The following GRID1 variants were observed in gnomAD, a reference collection of about 807,000 sequenced individuals.
GRID1 encodes glutamate receptor ionotropic, delta-1.
A neutral mutation model predicts 98.0 loss-of-function variants in GRID1; 28 were observed. The observed-to-expected ratio is 0.29, with a 90% confidence interval of 0.21 to 0.39. The LOEUF (loss-of-function observed/expected upper bound fraction) is 0.39, where lower values mean the gene tolerates loss of function less well. Ranked by LOEUF, GRID1 falls within the 10% of genes least tolerant of loss-of-function variation. The pLI, the probability that GRID1 is intolerant of heterozygous loss-of-function variation, is 1.00. For missense variants in GRID1, 1,111 were observed against 1,340.5 expected, an observed-to-expected ratio of 0.83 and a Z score of 2.67; for synonymous variants, 553 against 538.5, an observed-to-expected ratio of 1.03 and a Z score of -0.37.
intron 3 of GRID1, among the ~76,000 whole-genome samples, chr10:86,203,841 C>T (rs944278534): frequency 3.9e-5 from 6 of 152,074 alleles, no homozygotes; most frequent in African/African-American, 1.4e-4. Context: ...CCATGGAAGC[C>T]TCACAGACTG....
chr10:85,798,368 G>A (rs1458045324), intron 8 of GRID1, among the ~76,000 whole-genome samples: 1 of 152,188 alleles, frequency 6.6e-6, no homozygotes, highest in African/African-American at 2.4e-5. Flanking sequence ...AGGCAAAACA[G>A]TATAGAGAAT....
chr10:86,144,694 C>G (rs539562913), intron 3 of GRID1, among the ~76,000 whole-genome samples: 4 of 152,272 alleles, frequency 2.6e-5, no homozygotes, highest in African/African-American at 9.6e-5. Flanking sequence ...CTTGCAGGCA[C>G]AATCATATGC....
At position 86,001,808 on chromosome 10, in the gene GRID1, G is replaced by GA. The variant is rs145634971; in HGVS notation, c.727-85570dup. 4.6e-3 allele frequency among the ~76,000 whole-genome samples: 698 copies of GA among 151,948 alleles called. 7 individuals are homozygous for GA. Among genetic ancestry groups the GA allele is most frequent in the African/African-American group, 0.016 (656 of 41,428 alleles). On this transcript the variant is annotated intron_variant, in intron 4 of 15. Coordinates refer to ENST00000327946, the MANE Select transcript of GRID1 (RefSeq NM_017551.3). ...ACAAAGGACCACAAACTGGATGCCT[G>GA]AAAAAAAAGAAACATGTTCTCCCAC...
At chr10:86,030,780 C>G (rs1174389982) in intron 4 of GRID1, among the ~76,000 whole-genome samples, 1 of 152,168 alleles carries the variant, frequency 6.6e-6, no homozygotes, top group Admixed American at 6.5e-5. Flanking sequence ...AAGGCAGCTC[C>G]AAATCATTTT....
chr10:85,682,841 C>G (rs1184304763), intron 12 of GRID1, among the ~76,000 whole-genome samples: 1 of 152,222 alleles, frequency 6.6e-6, no homozygotes, highest in South Asian at 2.1e-4. Flanking sequence ...GAAAGAATCA[C>G]AAGCCTGCCT....
chr10:85,836,349 A>G (rs1320713580), intron 8 of GRID1, among the ~76,000 whole-genome samples: 1 of 152,154 alleles, frequency 6.6e-6, no homozygotes, highest in African/African-American at 2.4e-5. Flanking sequence ...TTCAGAGGGA[A>G]GGCACCGAGA....
At chr10:86,059,434 G>T (rs563850728) in intron 4 of GRID1, among the ~76,000 whole-genome samples, 1 of 152,206 alleles carries the variant, frequency 6.6e-6, no homozygotes, top group Admixed American at 6.5e-5. Flanking sequence ...TTAGATTTGC[G>T]CATTCATTCA....
chr10:86,115,430 C>G (rs1181169877), intron 4 of GRID1, among the ~76,000 whole-genome samples: 3 of 152,206 alleles, frequency 2.0e-5, no homozygotes, highest in Non-Finnish European at 4.4e-5. Context: ...AGTCCCAAGT[C>G]TCTCCTGCCT....
chr10:86,294,409 C>A (rs1366868752), intron 2 of GRID1, among the ~76,000 whole-genome samples: 1 of 152,172 alleles, frequency 6.6e-6, no homozygotes, highest in Non-Finnish European at 1.5e-5. Flanking sequence ...TGAGAACAGA[C>A]CAAGTGGGAC....
chr10:85,940,375 T>C (rs1263638564), intron 4 of GRID1, among the ~76,000 whole-genome samples: 1 of 152,172 alleles, frequency 6.6e-6, no homozygotes, highest in East Asian at 1.9e-4. Flanking sequence ...GCTTCAGCTC[T>C]GCTCTTAGGA....
At chr10:86,109,376 G>A (rs1277201156) in intron 4 of GRID1, among the ~76,000 whole-genome samples, 3 of 152,206 alleles carry the variant, frequency 2.0e-5, no homozygotes, top group African/African-American at 7.2e-5. Flanking sequence ...CTCAGCACAG[G>A]TCTTGAGCCC....
chr10:85,935,354 C>G (rs968534731), intron 4 of GRID1, among the ~76,000 whole-genome samples: 1 of 152,144 alleles, frequency 6.6e-6, no homozygotes, highest in Non-Finnish European at 1.5e-5. Context: ...GGAGTTCTGA[C>G]CTAAAGATTA....
intron 3 of GRID1, among the ~76,000 whole-genome samples, chr10:86,177,405 G>A (rs542202916): frequency 3.9e-5 from 6 of 152,244 alleles, no homozygotes; most frequent in Admixed American, 3.3e-4. Context: ...ATCCCAGTGT[G>A]TGCATATGTG....
chr10:85,934,855 A>T (rs1841905430), intron 4 of GRID1, among the ~76,000 whole-genome samples: 1 of 152,156 alleles, frequency 6.6e-6, no homozygotes, highest in African/African-American at 2.4e-5. Context: ...GCAGGTTAGT[A>T]AGCACTGATC....
chr10:85,992,429 G>A (rs1185963612), intron 4 of GRID1, among the ~76,000 whole-genome samples: 2 of 152,130 alleles, frequency 1.3e-5, no homozygotes, highest in African/African-American at 4.8e-5. Context: ...ATTATTATGG[G>A]TCAGTATCTT....
intron 4 of GRID1, among the ~76,000 whole-genome samples, chr10:85,970,292 G>A (rs892542574): frequency 6.6e-6 from 1 of 151,974 alleles, no homozygotes. Flanking sequence ...AATAGAATAG[G>A]AGGGAACACT....
chr10:86,354,267 G>A (rs1009091414), intron 2 of GRID1, among the ~76,000 whole-genome samples: 13 of 152,384 alleles, frequency 8.5e-5, no homozygotes, highest in East Asian at 7.7e-4. Context: ...CAGCAAGGCC[G>A]GTGTCTCAGC....
At chr10:85,727,831 C>T in intron 10 of GRID1, 24 bp downstream of exon 10, 1 of 1,585,530 alleles carries the variant, frequency 6.3e-7, no homozygotes, top group Non-Finnish European at 8.7e-7. Context: ...TGCCCCTCCC[C>T]CTGGATCTGC....
chr10:86,336,140 CA>C (rs1848217832), intron 2 of GRID1, among the ~76,000 whole-genome samples: 1 of 152,220 alleles, frequency 6.6e-6, no homozygotes, highest in Non-Finnish European at 1.5e-5. Flanking sequence ...CAGACAACTC[CA>C]GGTTGCTCTC....
Sources: gnomAD v4.1 joint callset for allele counts (sites outside exome capture counted in the v4.1 genomes callset) on GRCh38, gnomAD v4.1.1 for gene constraint, MANE v1.5 for transcripts, NCBI Gene and HGNC (gene_info 2026-07-23, HGNC 2026-07-21) for gene names.